Variants in MYH13 observed in about 807,000 individuals in gnomAD.
MYH13 encodes myosin-13.
MYH13 carries 177 observed loss-of-function variants against 232.1 expected under a neutral mutation model. That is an observed-to-expected ratio of 0.76 (90% CI 0.67 to 0.86). The LOEUF (loss-of-function observed/expected upper bound fraction) is 0.86. MYH13 is among the 40% of genes least tolerant of loss of function. The probability of loss-of-function intolerance (pLI) is 0.00; values close to 1 mark genes in which losing one functional copy is unlikely to be tolerated. For synonymous variants in MYH13, 884 were observed against 923.5 expected, an observed-to-expected ratio of 0.96 and a Z score of 0.78; for missense variants, 2,246 against 2,405.9, an observed-to-expected ratio of 0.93 and a Z score of 1.39.
At chr17:10,330,781 G>T (rs1448401204) in intron 20 of MYH13, among the ~76,000 whole-genome samples, 1 of 151,990 alleles carries the variant, frequency 6.6e-6, no homozygotes, top group Non-Finnish European at 1.5e-5. Context: ...TCTTTGGGAG[G>T]CCGAGGCAGG....
rs1014050339 is a variant in MYH13, at chr17:10,311,938, G to T, written c.4504C>A (p.Leu1502Met). ...YEEVVDQLET[L>M]RRENKNLQEE... ...TGCAGATTTTTGTTCTCTCGCCTCA[G>T]TGTCTCTAACTGGTCCACCACCTCC... Residue 1502 changes from leucine to methionine, a missense_variant, in exon 32 of 41, where the codon CTG becomes ATG. Leu to Met is a conservative substitution (Grantham distance 15). Coordinates refer to ENST00000252172, the MANE Select transcript of MYH13 (RefSeq NM_003802.3). 6.2e-7 allele frequency: 1 copy of T among 1,613,868 alleles called. No homozygotes were observed. Among genetic ancestry groups the T allele is most frequent in the Non-Finnish European group, 8.5e-7 (1 of 1,179,900 alleles).
intron 21 of MYH13, among the ~76,000 whole-genome samples, chr17:10,330,052 T>C (rs1329510103): frequency 1.3e-5 from 2 of 151,726 alleles, no homozygotes; most frequent in Non-Finnish European, 2.9e-5. Flanking sequence ...GACACCTTCA[T>C]GCCAACTCCA....
Position 10,315,679 on chromosome 17 carries a change from C to T in MYH13, c.3984+14G>A. 1 of 1,610,682 alleles carries T rather than the reference C, an allele frequency of 6.2e-7. No homozygotes were observed. The highest frequency in any genetic ancestry group is 8.5e-7 in the Non-Finnish European group (1 of 1,177,776). On this transcript the variant is annotated intron_variant, in intron 29 of 40. Transcript: ENST00000252172. The stretch of plus-strand genomic sequence containing the variant: ...GCCTGGCTTCTCAGGTTCAATCTGA[C>T]TCTATATCTTTACCTTGGTTTCTTC...
At position 10,346,795 on chromosome 17, in the gene MYH13, G is replaced by C; in HGVS notation, c.1148C>G (p.Ala383Gly). 1.2e-6 allele frequency: 2 copies of C among 1,612,758 alleles called. No individual in the cohort carries two copies. The highest frequency in any genetic ancestry group is 1.7e-6 in the Non-Finnish European group (2 of 1,179,004). ...EQAEPDGTEVADKAGYLMGLN... is the reference protein window; with the variant it reads ...EQAEPDGTEVGDKAGYLMGLN... ...TCCCATCAGGTATCCGGCTTTGTCAGCCACTGAAGGAAGAGAAAAAAATGG... is the reference window on the plus strand; with the variant it reads ...TCCCATCAGGTATCCGGCTTTGTCACCCACTGAAGGAAGAGAAAAAAATGG... Residue 383 changes from alanine to glycine, a missense_variant, in exon 13 of 41, where the codon GCT (alanine) becomes GGT (glycine). Coordinates refer to ENST00000252172, the MANE Select transcript of MYH13 (RefSeq NM_003802.3).
Position 10,324,232 on chromosome 17 carries a change from C to T in MYH13, c.2724G>A (p.Arg908=), listed in dbSNP as rs1197533052. 1.9e-6 allele frequency: 3 copies of T among 1,613,864 alleles called. No individual in the cohort carries two copies. Among genetic ancestry groups the T allele is most frequent in the African/African-American group, 2.7e-5 (2 of 74,924 alleles). Residue 908 remains arginine (R), a synonymous_variant, in exon 23 of 41, where the codon CGG becomes CGA. Transcript: ENST00000252172. ...TCTTGCTTTTGATGAGTCCTTCACA[C>T]CGTTCCTCAGCGTCCATCAGATTTT... ...ETENLMDAEE[R]CEGLIKSKIL...
rs1341715259 is a variant in MYH13, at chr17:10,311,165, T to C, written c.4594A>G (p.Lys1532Glu). The C allele has an allele frequency of 6.2e-7, 1 of 1,613,956 alleles. No homozygotes were observed. Among genetic ancestry groups the C allele is most frequent in the Non-Finnish European group, 8.5e-7 (1 of 1,179,908 alleles). Reference sequence around the variant, plus strand: ...TCCTGCTCCACTAGCTTCTTGGTCTTTTCCGCTTCCTGAAGATTCTTGCCA... The same window carrying C: ...TCCTGCTCCACTAGCTTCTTGGTCTCTTCCGCTTCCTGAAGATTCTTGCCA... ...ETGKNLQEAE[K>E]TKKLVEQEKS... Residue 1532 changes from lysine to glutamate, a missense_variant, in exon 33 of 41, where the codon AAG (lysine) becomes GAG (glutamate). Physicochemically the swap from Lys to Glu is moderately conservative, Grantham distance 56 (BLOSUM62 1). Coordinates refer to ENST00000252172, the MANE Select transcript of MYH13 (RefSeq NM_003802.3).
intron 22 of MYH13, 87 bp from the exon 23 acceptor site, chr17:10,324,351 C>T: frequency 6.5e-7 from 1 of 1,527,584 alleles, no homozygotes; most frequent in Non-Finnish European, 8.9e-7. Flanking sequence ...AGCTTATTAT[C>T]TACACCTAAG....
chr17:10,370,984 C>T (rs982471003), intron 2 of MYH13, among the ~76,000 whole-genome samples: 1 of 152,144 alleles, frequency 6.6e-6, no homozygotes, highest in African/African-American at 2.4e-5. Flanking sequence ...CAAAATTCTG[C>T]ATTATATTTC....
chr17:10,357,651 G>C, intron 8 of MYH13, 84 bp downstream of exon 8: 1 of 1,278,440 alleles, frequency 7.8e-7, no homozygotes. Context: ...ATATATTCCA[G>C]TTTATGGGGC....
At chr17:10,329,648 C>CCT (rs1907343108) in intron 21 of MYH13, among the ~76,000 whole-genome samples, 1 of 152,156 alleles carries the variant, frequency 6.6e-6, no homozygotes, top group Admixed American at 6.5e-5. Flanking sequence ...GGCTTCCTCC[C>CCT]AGACCACCCA....
At chr17:10,307,456 G>C (rs1297557252) in intron 35 of MYH13, among the ~76,000 whole-genome samples, 1 of 152,046 alleles carries the variant, frequency 6.6e-6, no homozygotes, top group Non-Finnish European at 1.5e-5. Context: ...GAAAACATTT[G>C]CAATGTACAT....
intron 18 of MYH13, among the ~76,000 whole-genome samples, chr17:10,339,761 T>C (rs1261803191): frequency 6.6e-6 from 1 of 152,230 alleles, no homozygotes; most frequent in Non-Finnish European, 1.5e-5. Context: ...ATTCCAAATA[T>C]TGCATAGGTC....
intron 5 of MYH13, among the ~76,000 whole-genome samples, chr17:10,361,688 T>G (rs1377333558): frequency 6.6e-6 from 1 of 152,202 alleles, no homozygotes; most frequent in Non-Finnish European, 1.5e-5. Flanking sequence ...AGTGTTACCA[T>G]GTCCTTACTC....
chr17:10,327,352 C>A (rs184806536), intron 22 of MYH13, among the ~76,000 whole-genome samples: 2,098 of 151,712 alleles, frequency 0.014, 25 homozygotes, highest in Non-Finnish European at 0.02. Context: ...TGCCATGATA[C>A]CCAGGCTGGT....
intron 16 of MYH13, chr17:10,341,206 C>A (rs1419568713): frequency 6.6e-6 from 1 of 152,016 alleles, no homozygotes; most frequent in Non-Finnish European, 1.5e-5. Context: ...CCATGCCTGG[C>A]TAATTTTTGT....
rs770135719 is a variant in MYH13 at position 10,344,105 on chromosome 17, A to G, written c.1589T>C (p.Met530Thr). Residue 530 changes from methionine (M) to threonine (T), a missense_variant, in exon 16 of 41, where the codon ATG becomes ACG. Met to Thr is a moderately conservative substitution (Grantham distance 81). Transcript: ENST00000252172. ...CTCTTCCAGGATGGAGAAGATGCCC[A>G]TAGGCTGGAAAGAGGATAACAGAGT... ...AACIELIEKP[M>T]GIFSILEEEC... The G allele has an allele frequency of 1.2e-6, 2 of 1,613,978 alleles. No individual in the cohort carries two copies. Among genetic ancestry groups the G allele is most frequent in the South Asian group, 2.2e-5 (2 of 91,072 alleles).
intron 15 of MYH13, 134 bp from the exon 16 acceptor site, chr17:10,344,243 G>A: frequency 3.0e-6 from 4 of 1,329,360 alleles, no homozygotes; most frequent in Non-Finnish European, 4.0e-6. Context: ...GTGAGAGCAA[G>A]ACTCTTGGTC....
At chr17:10,345,428 T>C in intron 14 of MYH13, 39 bp downstream of exon 14, 2 of 1,614,152 alleles carry the variant, frequency 1.2e-6, no homozygotes, top group Non-Finnish European at 1.7e-6. Flanking sequence ...CATTGGAGAT[T>C]CAGCAAAGCA....
rs1257029353 is a variant in MYH13, at chr17:10,362,103, A to G, written c.505+15T>C. ...AGGATGGCTTCAAAAAATATGAATC[A>G]AAGAAATTACTCACCAGTCAGCATG... On this transcript the variant is annotated intron_variant, in intron 5 of 40. Coordinates refer to ENST00000252172, the MANE Select transcript of MYH13 (RefSeq NM_003802.3). The G allele has an allele frequency of 4.3e-6, 7 of 1,613,664 alleles. No individual in the cohort carries two copies. The East Asian group carries it at 1.1e-4, about 26-fold the overall frequency.
Sources: allele counts gnomAD v4.1 joint callset (sites outside exome capture counted in the v4.1 genomes callset), GRCh38; gene constraint gnomAD v4.1.1; transcripts MANE v1.5; gene names NCBI Gene and HGNC (gene_info 2026-07-23, HGNC 2026-07-21).